The following AP1S3 variants were observed in gnomAD, a reference collection of about 807,000 sequenced individuals.
The protein encoded by AP1S3 is adaptor related protein complex 1 subunit sigma 3, also known as AP-1 complex subunit sigma-3.
Under a neutral mutation model 20.9 loss-of-function variants are expected in AP1S3, and 10 were observed. The ratio of observed to expected loss-of-function variants is 0.48; its 90% CI spans 0.29 to 0.81. The LOEUF is 0.81. Among genes scored for constraint, AP1S3 ranks in the 30% least tolerant of loss-of-function variants. The pLI, the probability that AP1S3 is intolerant of heterozygous loss-of-function variation, is 0.08. For missense variants in AP1S3, 154 were observed against 183.8 expected (o/e 0.84, Z 0.94); for synonymous variants, 41 against 61.5 (o/e 0.67, Z 1.56).
At chr2:223,762,417 T>C (rs1690380456) in intron 4 of AP1S3, among the ~76,000 whole-genome samples, 1 of 151,730 alleles carries the variant, frequency 6.6e-6, no homozygotes, top group South Asian at 2.1e-4. Flanking sequence ...GGGTTACAGA[T>C]GTGTACCACC....
rs1690254098 is a variant in AP1S3, at chr2:223,757,699, A to G, written c.*1016T>C. 1.0e-6 allele frequency: 1 copy of G among 985,338 alleles called. No individual in the cohort carries two copies. Among genetic ancestry groups the G allele is most frequent in the South Asian group, 4.7e-5 (1 of 21,292 alleles). The allele number at this position is 985,338 out of a possible 1,614,324, so 61.0% of individuals were successfully genotyped here. A position where few individuals can be genotyped will look rare whatever the true frequency, so the allele number is the denominator to read the frequency against. On this transcript the variant is annotated 3_prime_UTR_variant, in exon 5 of 5. Transcript: ENST00000396654. Reference sequence around the variant, plus strand: ...ACTTACAGTAATAATGGTCAGCAGCAAATCTTTTCTTTGGGGAGGAAAGGG... The same window carrying G: ...ACTTACAGTAATAATGGTCAGCAGCGAATCTTTTCTTTGGGGAGGAAAGGG...
chr2:223,760,531 G>T (rs1245632487), intron 4 of AP1S3, among the ~76,000 whole-genome samples: 1 of 152,174 alleles, frequency 6.6e-6, no homozygotes. Flanking sequence ...TCCTAAGTGG[G>T]CATTGGCCAA....
chr2:223,764,208 C>A lies in AP1S3; in HGVS notation c.429+1005G>T, dbSNP rs6719290. 1.6e-3 allele frequency among the ~76,000 whole-genome samples: 173 copies of A among 105,842 alleles called. 1 individual carries two copies. The highest frequency in any genetic ancestry group is 0.01 in the African/African-American group (162 of 15,502). 69.4% of individuals were successfully genotyped at this position (105,842 alleles called of 152,430 possible). A position where few individuals can be genotyped will look rare whatever the true frequency, so the allele number is the denominator to read the frequency against. ...TGCTGGGATTACAGGAGTGAGCCAC[C>A]GCATCCGGCCAAATGCTGATTTTAA... On this transcript the variant is annotated intron_variant, in intron 4 of 4. Coordinates refer to ENST00000396654, the MANE Select transcript of AP1S3 (RefSeq NM_001039569.2).
chr2:223,766,612 G>A (rs1004850101), intron 3 of AP1S3, among the ~76,000 whole-genome samples: 2 of 152,188 alleles, frequency 1.3e-5, no homozygotes, highest in African/African-American at 4.8e-5. Context: ...TGGTGGGAGT[G>A]TAAATTAGTT....
intron 4 of AP1S3, among the ~76,000 whole-genome samples, chr2:223,763,446 C>T (rs1395601563): frequency 6.6e-6 from 1 of 152,134 alleles, no homozygotes; most frequent in Non-Finnish European, 1.5e-5. Context: ...AACTCTGTTT[C>T]TCCTGTAAGG....
chr2:223,775,609 G>T (rs778792782), intron 3 of AP1S3, among the ~76,000 whole-genome samples: 2 of 152,174 alleles, frequency 1.3e-5, no homozygotes, highest in African/African-American at 2.4e-5. Context: ...GGGAAGCTGA[G>T]GTGGGAGAAT....
intron 1 of AP1S3, among the ~76,000 whole-genome samples, chr2:223,822,133 T>C (rs1692001352): frequency 6.6e-6 from 1 of 152,174 alleles, no homozygotes; most frequent in African/African-American, 2.4e-5. Context: ...TTCACGCCTA[T>C]AATCCCAGCA....
intron 1 of AP1S3, among the ~76,000 whole-genome samples, chr2:223,817,264 T>C (rs1691866238): frequency 6.6e-6 from 1 of 152,070 alleles, no homozygotes; most frequent in African/African-American, 2.4e-5. Flanking sequence ...AGGGTCTGCC[T>C]GAAGAAAGAT....
At chr2:223,790,798 C>T (rs974723944) in intron 1 of AP1S3, among the ~76,000 whole-genome samples, 8 of 152,050 alleles carry the variant, frequency 5.3e-5, no homozygotes, top group African/African-American at 1.7e-4. Flanking sequence ...GATCTACTTT[C>T]AAGATTCAAA....
In AP1S3 at chr2:223,777,322, G is replaced by C. The variant is rs1183711948; in HGVS notation, c.182+369C>G. ...AGGCAAGAGAATCGCTTGAACCCAGGAGGTGGAAGTTGCAGTGAGCCAAGA... is the reference window on the plus strand; with the variant it reads ...AGGCAAGAGAATCGCTTGAACCCAGCAGGTGGAAGTTGCAGTGAGCCAAGA... On this transcript the variant is annotated intron_variant, in intron 2 of 4. Transcript: ENST00000396654. Among the ~76,000 whole-genome samples, 7 of 152,164 alleles carry C rather than the reference G, an allele frequency of 4.6e-5. No individual in the cohort carries two copies. In the East Asian group the frequency reaches 1.3e-3, roughly 29 times the overall value.
chr2:223,765,859 T>C (rs951502676), intron 3 of AP1S3, among the ~76,000 whole-genome samples: 1 of 152,196 alleles, frequency 6.6e-6, no homozygotes, highest in Admixed American at 6.5e-5. Flanking sequence ...ACACTGGTGC[T>C]ACAGCCCACC....
At chr2:223,779,225 T>C (rs1167865621) in intron 1 of AP1S3, among the ~76,000 whole-genome samples, 2 of 152,206 alleles carry the variant, frequency 1.3e-5, no homozygotes, top group Admixed American at 6.5e-5. Flanking sequence ...CAGAAGACAT[T>C]AGAACATCTG....
chr2:223,809,643 C>T (rs1328211346), intron 1 of AP1S3, among the ~76,000 whole-genome samples: 1 of 151,346 alleles, frequency 6.6e-6, no homozygotes, highest in African/African-American at 2.4e-5. Context: ...GACTCCGTTT[C>T]AAAACAAAAA....
intron 1 of AP1S3, among the ~76,000 whole-genome samples, chr2:223,815,244 A>G: frequency 6.6e-6 from 1 of 152,254 alleles, no homozygotes; most frequent in East Asian, 1.9e-4. Flanking sequence ...CATCAAACCA[A>G]GAACACAGTC....
intron 1 of AP1S3, among the ~76,000 whole-genome samples, chr2:223,783,942 G>C (rs1022878205): frequency 1.3e-5 from 2 of 152,134 alleles, no homozygotes; most frequent in Non-Finnish European, 2.9e-5. Context: ...CAACCAACCC[G>C]ACAGGCCCTC....
chr2:223,800,852 G>A (rs529922787), intron 1 of AP1S3, among the ~76,000 whole-genome samples: 1 of 152,162 alleles, frequency 6.6e-6, no homozygotes, highest in Admixed American at 6.5e-5. Context: ...GACAAGAAAG[G>A]GAAATAAAAG....
chr2:223,827,027 A>G (rs1044851711), intron 1 of AP1S3, among the ~76,000 whole-genome samples: 4 of 152,170 alleles, frequency 2.6e-5, no homozygotes, highest in Non-Finnish European at 5.9e-5. Context: ...GAGGCGGGCA[A>G]TGGTATATCC....
At chr2:223,811,094 AC>A (rs1691713588) in intron 1 of AP1S3, among the ~76,000 whole-genome samples, 1 of 125,044 alleles carries the variant, frequency 8.0e-6, no homozygotes, top group African/African-American at 3.2e-5. Context: ...TACCATCTTC[AC>A]CTTTTTTTTT....
rs200461592 is a variant in AP1S3 at position 223,770,837 on chromosome 2, A to AC, written c.291+5063dup. On this transcript the variant is annotated intron_variant, in intron 3 of 4. Coordinates refer to ENST00000396654, the MANE Select transcript of AP1S3 (RefSeq NM_001039569.2). ...CTGCCTCCTGGGTTCAAACTATTCT[A>AC]CCGCCTCAGCCTCCCAAGTAGCTGC... 6.6e-3 allele frequency among the ~76,000 whole-genome samples: 976 copies of AC among 146,928 alleles called. 14 individuals are homozygous for AC. Among genetic ancestry groups the AC allele is most frequent in the African/African-American group, 0.023 (916 of 39,596 alleles).
Sources: allele counts gnomAD v4.1 joint callset (sites outside exome capture counted in the v4.1 genomes callset), GRCh38; gene constraint gnomAD v4.1.1; transcripts MANE v1.5; gene names NCBI Gene and HGNC (gene_info 2026-07-23, HGNC 2026-07-21).